Variants in GRXCR1 observed in about 807,000 individuals in gnomAD.
GRXCR1 encodes the protein glutaredoxin and cysteine rich domain containing 1, also known as glutaredoxin domain-containing cysteine-rich protein 1.
GRXCR1 carries 27 observed loss-of-function variants against 27.3 expected under a neutral mutation model. That is an observed-to-expected ratio of 0.99 (90% confidence interval 0.73 to 1.37). The LOEUF is 1.37. GRXCR1 is among the 40% of genes most tolerant of loss of function. The pLI, the probability that GRXCR1 is intolerant of heterozygous loss-of-function variation, is 0.00. For synonymous variants in GRXCR1, 122 were observed against 131.1 expected (o/e 0.93, Z 0.47); for missense variants, 379 against 354.4 (o/e 1.07, Z -0.56).
At chr4:43,012,600 T>G (rs564364599) in intron 2 of GRXCR1, among the ~76,000 whole-genome samples, 1 of 152,256 alleles carries the variant, frequency 6.6e-6, no homozygotes, top group South Asian at 2.1e-4. Flanking sequence ...GAGTTCATAT[T>G]ATGTGTCATG....
chr4:42,921,060 A>T (rs1317526788), intron 1 of GRXCR1, among the ~76,000 whole-genome samples: 1 of 152,004 alleles, frequency 6.6e-6, no homozygotes, highest in Non-Finnish European at 1.5e-5. Flanking sequence ...TAAAATTCAT[A>T]TGTTGAAATC....
chr4:42,996,031 C>T (rs1008170988), intron 2 of GRXCR1, among the ~76,000 whole-genome samples: 1 of 152,118 alleles, frequency 6.6e-6, no homozygotes, highest in African/African-American at 2.4e-5. Context: ...TTATCACAGG[C>T]AGGATTTAAT....
At chr4:43,023,494 T>C (rs1391856208) in intron 3 of GRXCR1, among the ~76,000 whole-genome samples, 1 of 152,136 alleles carries the variant, frequency 6.6e-6, no homozygotes, top group Non-Finnish European at 1.5e-5. Flanking sequence ...TGATGAAGAT[T>C]ATTAGTGGCC....
At chr4:42,982,105 G>A (rs1748686259) in intron 2 of GRXCR1, among the ~76,000 whole-genome samples, 1 of 149,182 alleles carries the variant, frequency 6.7e-6, no homozygotes, top group South Asian at 2.1e-4. Flanking sequence ...TGCACATTGT[G>A]CAAGTTAGTT....
intron 1 of GRXCR1, among the ~76,000 whole-genome samples, chr4:42,907,445 T>C (rs1040509388): frequency 1.3e-5 from 2 of 152,186 alleles, no homozygotes; most frequent in African/African-American, 4.8e-5. Context: ...ACTATCCATT[T>C]TAGACACCTC....
intron 2 of GRXCR1, among the ~76,000 whole-genome samples, chr4:42,970,951 C>A (rs1748370904): frequency 6.6e-6 from 1 of 152,124 alleles, no homozygotes; most frequent in Non-Finnish European, 1.5e-5. Context: ...ATGCATATGA[C>A]TGTATGCTTT....
At chr4:42,901,794 C>A (rs1276500843) in intron 1 of GRXCR1, among the ~76,000 whole-genome samples, 1 of 152,152 alleles carries the variant, frequency 6.6e-6, no homozygotes, top group Non-Finnish European at 1.5e-5. Flanking sequence ...CATACATTGG[C>A]ATACTTTTGC....
intron 2 of GRXCR1, among the ~76,000 whole-genome samples, chr4:43,004,693 G>T (rs1712499070): frequency 6.6e-6 from 1 of 152,144 alleles, no homozygotes; most frequent in Admixed American, 6.5e-5. Context: ...CTTGAATGGG[G>T]CCTATAGCCC....
chr4:42,893,642 G>T lies in GRXCR1; in HGVS notation c.376G>T (p.Val126Leu), dbSNP rs1085307834. ...GQALFNNLTK[V>L]LQQPSTDLEF... ...GGCTCTATTTAACAATTTGACCAAAGTATTACAGGTAAGTCATTGCTGTTT... is the reference window on the plus strand; with the variant it reads ...GGCTCTATTTAACAATTTGACCAAATTATTACAGGTAAGTCATTGCTGTTT... The change falls in exon 1 of 4, where the codon GTA becomes TTA. Residue 126 changes from valine (V) to leucine (L), a missense_variant. Transcript: ENST00000399770. 1.2e-6 allele frequency: 2 copies of T among 1,613,030 alleles called. No individual in the cohort carries two copies. Among genetic ancestry groups the T allele is most frequent in the Non-Finnish European group, 1.7e-6 (2 of 1,179,648 alleles).
At chr4:42,894,262 T>C (rs940964193) in intron 1 of GRXCR1, among the ~76,000 whole-genome samples, 9 of 152,154 alleles carry the variant, frequency 5.9e-5, no homozygotes, top group Non-Finnish European at 1.0e-4. Context: ...ATCTAGATTT[T>C]GTATAATAAT....
intron 3 of GRXCR1, among the ~76,000 whole-genome samples, chr4:43,029,943 G>C (rs2109812185): frequency 6.6e-6 from 1 of 151,972 alleles, no homozygotes; most frequent in African/African-American, 2.4e-5. Context: ...TGATTTTCCA[G>C]ACTTGCTATT....
At chr4:42,917,957 A>C (rs1393068958) in intron 1 of GRXCR1, among the ~76,000 whole-genome samples, 2 of 152,146 alleles carry the variant, frequency 1.3e-5, no homozygotes, top group Non-Finnish European at 2.9e-5. Flanking sequence ...TCTGTGTATA[A>C]AGTGGTTTGG....
At chr4:42,981,153 ATTT>A (rs71201823) in intron 2 of GRXCR1, among the ~76,000 whole-genome samples, 1 of 135,072 alleles carries the variant, frequency 7.4e-6, no homozygotes, top group African/African-American at 2.7e-5. Flanking sequence ...CTGTAGTGGT[ATTT>A]TTTTTTTTTT....
intron 1 of GRXCR1, among the ~76,000 whole-genome samples, chr4:42,939,711 T>C (rs1195482936): frequency 6.6e-6 from 1 of 152,086 alleles, no homozygotes; most frequent in Non-Finnish European, 1.5e-5. Flanking sequence ...TCTTTATTAT[T>C]GTACTGGAGT....
chr4:42,956,312 A>C (rs1407961919), intron 1 of GRXCR1, among the ~76,000 whole-genome samples: 1 of 152,082 alleles, frequency 6.6e-6, no homozygotes, highest in Admixed American at 6.6e-5. Context: ...AGATGCTTCC[A>C]TCCTTCATAC....
chr4:43,028,479 C>A (rs1713325929), intron 3 of GRXCR1, among the ~76,000 whole-genome samples: 1 of 152,144 alleles, frequency 6.6e-6, no homozygotes, highest in Admixed American at 6.5e-5. Flanking sequence ...CCCTGCAGGT[C>A]CTTACTGTAG....
At chr4:43,000,425 A>C (rs1476144378) in intron 2 of GRXCR1, among the ~76,000 whole-genome samples, 1 of 148,640 alleles carries the variant, frequency 6.7e-6, no homozygotes, top group Non-Finnish European at 1.5e-5. Context: ...GCAGTGAGCC[A>C]AGAATGCGCC....
chr4:42,915,639 AC>A (rs1746868918), intron 1 of GRXCR1, among the ~76,000 whole-genome samples: 1 of 151,956 alleles, frequency 6.6e-6, no homozygotes, highest in African/African-American at 2.4e-5. Flanking sequence ...GTGTATCTTG[AC>A]ACGTCTCATA....
intron 1 of GRXCR1, among the ~76,000 whole-genome samples, chr4:42,945,757 T>C (rs1372793371): frequency 6.6e-6 from 1 of 152,178 alleles, no homozygotes; most frequent in Non-Finnish European, 1.5e-5. Context: ...TTTAACCACG[T>C]AGTAAAGGAT....
Sources: allele counts gnomAD v4.1 joint callset (sites outside exome capture counted in the v4.1 genomes callset), GRCh38; gene constraint gnomAD v4.1.1; transcripts MANE v1.5; gene names NCBI Gene and HGNC (gene_info 2026-07-23, HGNC 2026-07-21).